CDKAL1: variants seen among roughly 807,000 people sequenced by gnomAD.
CDKAL1 encodes the protein threonylcarbamoyladenosine tRNA methylthiotransferase.
In CDKAL1, 32 loss-of-function variants were observed where a neutral mutation model predicts 68.2. That is an observed-to-expected ratio of 0.47 (90% CI 0.35 to 0.63). The LOEUF is 0.63. Among genes scored for constraint, CDKAL1 ranks in the 30% least tolerant of loss-of-function variants. The probability of loss-of-function intolerance (pLI) is 0.00; values close to 1 mark genes in which losing one functional copy is unlikely to be tolerated. For synonymous variants in CDKAL1, 234 were observed against 244.3 expected (o/e 0.96, Z 0.39); for missense variants, 606 against 696.7 (o/e 0.87, Z 1.47).
chr6:21,024,779 A>G (rs1455359308), intron 11 of CDKAL1, among the ~76,000 whole-genome samples: 1 of 152,154 alleles, frequency 6.6e-6, no homozygotes, highest in African/African-American at 2.4e-5. Context: ...GTGATACTTC[A>G]TGTCCTCATC....
intron 5 of CDKAL1, among the ~76,000 whole-genome samples, chr6:20,706,448 A>G (rs1771599221): frequency 6.6e-6 from 1 of 152,210 alleles, no homozygotes. Context: ...TTCCACCCTT[A>G]CATTTTGAGT....
At chr6:20,815,031 G>A (rs1776987305) in intron 8 of CDKAL1, among the ~76,000 whole-genome samples, 1 of 152,148 alleles carries the variant, frequency 6.6e-6, no homozygotes, top group Non-Finnish European at 1.5e-5. Flanking sequence ...AGTTATCACT[G>A]TTTTGCACTG....
At chr6:20,993,224 G>T (rs778413116) in intron 10 of CDKAL1, among the ~76,000 whole-genome samples, 2 of 152,018 alleles carry the variant, frequency 1.3e-5, no homozygotes, top group African/African-American at 2.4e-5. Flanking sequence ...AATGTTAATT[G>T]TATATTTTGA....
intron 7 of CDKAL1, among the ~76,000 whole-genome samples, chr6:20,760,878 A>G (rs538689146): frequency 2.0e-5 from 3 of 152,334 alleles, no homozygotes; most frequent in South Asian, 2.1e-4. Context: ...CATCAAAAGT[A>G]TGATTTATGA....
intron 12 of CDKAL1, among the ~76,000 whole-genome samples, chr6:21,089,392 A>G (rs1772878085): frequency 6.6e-6 from 1 of 152,154 alleles, no homozygotes; most frequent in Non-Finnish European, 1.5e-5. Flanking sequence ...CAGGAGGATC[A>G]CTGGAGCCTA....
intron 13 of CDKAL1, among the ~76,000 whole-genome samples, chr6:21,196,339 G>T (rs1778470065): frequency 6.6e-6 from 1 of 152,200 alleles, no homozygotes; most frequent in Non-Finnish European, 1.5e-5. Flanking sequence ...ATACTTCAGT[G>T]ATACCCAATA....
intron 4 of CDKAL1, among the ~76,000 whole-genome samples, chr6:20,553,859 A>G (rs9460520): frequency 0.82 from 123,887 of 151,658 alleles, 50,985 homozygotes; most frequent in African/African-American, 0.93. Context: ...CGGTCTGCCC[A>G]CCTTGGCCTC....
chr6:21,063,486 A>G (rs1164098669), intron 11 of CDKAL1, among the ~76,000 whole-genome samples: 1 of 152,220 alleles, frequency 6.6e-6, no homozygotes, highest in Non-Finnish European at 1.5e-5. Flanking sequence ...AAAGATTTTA[A>G]TGCTTTGCTC....
chr6:20,789,276 T>C (rs1775801998), intron 8 of CDKAL1, among the ~76,000 whole-genome samples: 1 of 152,178 alleles, frequency 6.6e-6, no homozygotes, highest in African/African-American at 2.4e-5. Context: ...CAAATGAAAT[T>C]TTAAAGTAAT....
chr6:20,609,896 C>T (rs548939285), intron 4 of CDKAL1, among the ~76,000 whole-genome samples: 9 of 152,128 alleles, frequency 5.9e-5, no homozygotes, highest in African/African-American at 4.8e-5. Flanking sequence ...GCCCAGTATC[C>T]GTTAGTTATT....
chr6:21,227,745 A>G (rs1779806261), intron 15 of CDKAL1, among the ~76,000 whole-genome samples: 1 of 152,232 alleles, frequency 6.6e-6, no homozygotes, highest in Admixed American at 6.5e-5. Flanking sequence ...GGTGGAGAGA[A>G]AAAAAGGATG....
At chr6:20,551,138 T>TCCC in intron 4 of CDKAL1, among the ~76,000 whole-genome samples, 1 of 152,006 alleles carries the variant, frequency 6.6e-6, no homozygotes, top group South Asian at 2.1e-4. Context: ...GTGCTGGGAT[T>TCCC]ACAGGCGTGA....
chr6:20,868,954 A>T (rs187723101), intron 9 of CDKAL1, among the ~76,000 whole-genome samples: 2 of 152,314 alleles, frequency 1.3e-5, no homozygotes, highest in African/African-American at 4.8e-5. Flanking sequence ...TTATGCTGCT[A>T]CCAGGTGGGG....
chr6:20,770,651 C>T (rs1774903093), intron 7 of CDKAL1, among the ~76,000 whole-genome samples: 1 of 152,146 alleles, frequency 6.6e-6, no homozygotes, highest in Non-Finnish European at 1.5e-5. Flanking sequence ...ATAATTTCTA[C>T]TTCATACATT....
At chr6:20,753,340 A>G (rs1235262862) in intron 6 of CDKAL1, among the ~76,000 whole-genome samples, 3 of 31,502 alleles carry the variant, frequency 9.5e-5, no homozygotes, top group Non-Finnish European at 2.6e-4. Context: ...ATGATCAGGC[A>G]CCACGTAACA....
chr6:20,755,385 G>A (rs1375939812), intron 6 of CDKAL1, among the ~76,000 whole-genome samples: 1 of 152,132 alleles, frequency 6.6e-6, no homozygotes, highest in Non-Finnish European at 1.5e-5. Flanking sequence ...CTAAATGCCT[G>A]TGTCTGTACT....
In CDKAL1 at chr6:20,566,141, C is replaced by T. The variant is rs574339881; in HGVS notation, c.286+17436C>T. On this transcript the variant is annotated intron_variant, in intron 4 of 15. Transcript: ENST00000274695. ...GGTAGTAAAATGTGATATTAGACTA[C>T]GAGTATTTTCCCTCCAAATAATACT... is the stretch of plus-strand genomic sequence containing the variant. 1.2e-4 allele frequency among the ~76,000 whole-genome samples: 19 copies of T among 152,118 alleles called. No homozygotes were observed. In the East Asian group the frequency reaches 1.4e-3, roughly 11 times the overall value.
At chr6:21,108,081 G>A (rs950462810) in intron 12 of CDKAL1, among the ~76,000 whole-genome samples, 13 of 151,972 alleles carry the variant, frequency 8.6e-5, no homozygotes, top group South Asian at 2.1e-4. Flanking sequence ...ATTTTCTTTC[G>A]TTTTCAGTGT....
At chr6:20,835,026 C>T (rs1450017005) in intron 8 of CDKAL1, among the ~76,000 whole-genome samples, 1 of 152,126 alleles carries the variant, frequency 6.6e-6, no homozygotes, top group Non-Finnish European at 1.5e-5. Flanking sequence ...AGAGTACGTA[C>T]TCTATGATTC....
Sources: gnomAD v4.1 joint callset for allele counts (sites outside exome capture counted in the v4.1 genomes callset) on GRCh38, gnomAD v4.1.1 for gene constraint, MANE v1.5 for transcripts, NCBI Gene and HGNC (gene_info 2026-07-23, HGNC 2026-07-21) for gene names.